The following RMND5B variants were observed in gnomAD, a reference collection of about 807,000 sequenced individuals.
RMND5B encodes required for meiotic nuclear division 5 homolog B, also known as E3 ubiquitin-protein transferase RMND5B.
RMND5B carries 42 observed loss-of-function variants against 50.4 expected under a neutral mutation model. The observed-to-expected ratio is 0.83, with a 90% confidence interval of 0.65 to 1.08. RMND5B has a LOEUF of 1.08. Ranked by LOEUF, RMND5B falls within the 50% of genes least tolerant of loss-of-function variation. The pLI, the probability that RMND5B is intolerant of heterozygous loss-of-function variation, is 0.00. For missense variants in RMND5B, 463 were observed against 508.5 expected, an observed-to-expected ratio of 0.91 and a Z score of 0.86; for synonymous variants, 220 against 210.0, an observed-to-expected ratio of 1.05 and a Z score of -0.41.
rs1215627679 is a variant in RMND5B at position 178,137,848 on chromosome 5, T to A, written c.-12-260T>A. Reference sequence around the variant, plus strand: ...GGCATGAAAAGAGTTGAAAATGGAATAATAATTTTCTCACCATGATTAAGA... The same window carrying A: ...GGCATGAAAAGAGTTGAAAATGGAAAAATAATTTTCTCACCATGATTAAGA... On this transcript the variant is annotated intron_variant, in intron 2 of 10. Transcript: ENST00000313386. This position sits in a 1 kb window ranked among gnomAD's most constrained non-coding sequence, Gnocchi z 4.4. 6.6e-6 allele frequency among the ~76,000 whole-genome samples: 1 copy of A among 151,976 alleles called. No homozygotes were observed. The highest frequency in any genetic ancestry group is 1.5e-5 in the Non-Finnish European group (1 of 67,998).
chr5:178,135,022 T>C (rs930046901), intron 2 of RMND5B, among the ~76,000 whole-genome samples: 8 of 152,092 alleles, frequency 5.3e-5, no homozygotes, highest in African/African-American at 1.9e-4. Flanking sequence ...CCTCAGTTCA[T>C]GATACATTTA....
intron 2 of RMND5B, among the ~76,000 whole-genome samples, chr5:178,134,859 C>A (rs10040895): frequency 0.74 from 110,421 of 150,046 alleles, 40,967 homozygotes; most frequent in Middle Eastern, 0.81. Context: ...CACCTGTAAT[C>A]CCAGCTACTT....
rs1758731926 is a variant in RMND5B at position 178,138,355 on chromosome 5, G to A, written c.139+97G>A. The A allele has an allele frequency of 4.0e-6, 6 of 1,492,202 alleles. No individual in the cohort carries two copies. In the South Asian group the frequency reaches 6.6e-5, roughly 16 times the overall value. The allele number at this position is 1,492,202 out of a possible 1,614,324, so 92.4% of individuals were successfully genotyped here. A position where few individuals can be genotyped will look rare whatever the true frequency, so the allele number is the denominator to read the frequency against. On this transcript the variant is annotated intron_variant, in intron 3 of 10. Coordinates refer to ENST00000313386, the MANE Select transcript of RMND5B (RefSeq NM_022762.5). This position sits in a 1 kb window ranked among gnomAD's most constrained non-coding sequence, Gnocchi z 5.1. ...GACAGGGTTCCGGAAGGACGATGAT[G>A]AGGATGTTGGTACCTGCATCTGTAG...
chr5:178,140,744 C>T (rs896108817), intron 3 of RMND5B, among the ~76,000 whole-genome samples: 2 of 151,606 alleles, frequency 1.3e-5, no homozygotes, highest in South Asian at 2.1e-4. Context: ...GCATGAGAAT[C>T]GCTTGAACCC....
At chr5:178,139,013 C>T (rs112889515) in intron 3 of RMND5B, among the ~76,000 whole-genome samples, 2,751 of 152,162 alleles carry the variant, frequency 0.018, 42 homozygotes, top group East Asian at 0.085. Flanking sequence ...CCAGCCTGGC[C>T]AACATGGCAA....
intron 2 of RMND5B, chr5:178,135,339 G>A (rs1758565887): frequency 1.1e-5 from 2 of 185,516 alleles, no homozygotes; most frequent in Admixed American, 6.1e-5. Flanking sequence ...GCCCAAGCTA[G>A]TCTCAAACTC....
chr5:178,149,349 CCT>C lies in RMND5B; in HGVS notation c.*1320_*1321del, dbSNP rs1756198978. The C allele has an allele frequency of 1.0e-5, 3 of 286,786 alleles. No homozygotes were observed. Among genetic ancestry groups the C allele is most frequent in the South Asian group, 9.5e-5 (3 of 31,540 alleles). The allele number at this position is 286,786 out of a possible 1,614,324, so 17.8% of individuals were successfully genotyped here. ...GGGCAGCTGAGCATCAGCACAGAAC[CCT>C]CTGAGTCCTTTGGGCTCTCTGCTGA... On this transcript the variant is annotated 3_prime_UTR_variant, in exon 11 of 11. Transcript: ENST00000313386.
In RMND5B at chr5:178,148,426, C is replaced by G. The variant is rs1440693200; in HGVS notation, c.*394C>G. On this transcript the variant is annotated 3_prime_UTR_variant, in exon 11 of 11. Transcript: ENST00000313386. ...CTATGTCCACCCTTGCCCCTCGGCC[C>G]AAGAGTGTCCAGCGGTGGCCCACCT... The G allele has an allele frequency of 1.6e-5, 5 of 305,034 alleles. No homozygotes were observed. Among genetic ancestry groups the G allele is most frequent in the Non-Finnish European group, 3.2e-5 (5 of 157,630 alleles). 18.9% of individuals were successfully genotyped at this position (305,034 alleles called of 1,614,324 possible). A position where few individuals can be genotyped will look rare whatever the true frequency, so the allele number is the denominator to read the frequency against.
At position 178,138,316 on chromosome 5, in the gene RMND5B, C is replaced by T. The variant is rs114579643; in HGVS notation, c.139+58C>T. On this transcript the variant is annotated intron_variant, in intron 3 of 10. Coordinates refer to ENST00000313386, the MANE Select transcript of RMND5B (RefSeq NM_022762.5). This position sits in a 1 kb window ranked among gnomAD's most constrained non-coding sequence, Gnocchi z 5.1. ...AGCCTCCCTGAGGACATGGGAGACC[C>T]GAAGCTACTGAGTGACAGGGTTCCG... 4.8e-4 allele frequency: 757 copies of T among 1,587,264 alleles called. 5 individuals carry two copies. In the African/African-American group the frequency reaches 8.7e-3, roughly 18 times the overall value.
Position 178,143,523 on chromosome 5 carries a change from C to A in RMND5B, c.427-104C>A, listed in dbSNP as rs1755801720. 5.6e-5 allele frequency: 50 copies of A among 897,190 alleles called. No individual in the cohort carries two copies. In the South Asian group the frequency reaches 7.0e-4, roughly 13 times the overall value. The allele number at this position is 897,190 out of a possible 1,614,324, so 55.6% of individuals were successfully genotyped here. ...ACCAAGCTCCTCAAGCAAAGCCCAGCTCTCTGGCCTGTCTTTGGCGGGTGA... is the reference window on the plus strand; with the variant it reads ...ACCAAGCTCCTCAAGCAAAGCCCAGATCTCTGGCCTGTCTTTGGCGGGTGA... On this transcript the variant is annotated intron_variant, in intron 5 of 10. Coordinates refer to ENST00000313386, the MANE Select transcript of RMND5B (RefSeq NM_022762.5).
At chr5:178,134,397 G>A (rs1026104084) in intron 2 of RMND5B, among the ~76,000 whole-genome samples, 1 of 152,218 alleles carries the variant, frequency 6.6e-6, no homozygotes, top group Non-Finnish European at 1.5e-5. Context: ...TTGGGCAAAA[G>A]GTAACAGGAT....
Position 178,138,040 on chromosome 5 carries a change from G to A in RMND5B, c.-12-68G>A. On this transcript the variant is annotated intron_variant, in intron 2 of 10. Coordinates refer to ENST00000313386, the MANE Select transcript of RMND5B (RefSeq NM_022762.5). The surrounding 1 kb of genome is among the most constrained non-coding windows in gnomAD (Gnocchi z 5.1). ...AATGGTGAGAGGGATCTGAAGAGGTGGTCTGGGCACCCTGCCTGCCATGCC... is the reference window on the plus strand; with the variant it reads ...AATGGTGAGAGGGATCTGAAGAGGTAGTCTGGGCACCCTGCCTGCCATGCC... 7.0e-7 allele frequency: 1 copy of A among 1,430,204 alleles called. No individual in the cohort carries two copies. The highest frequency in any genetic ancestry group is 9.5e-7 in the Non-Finnish European group (1 of 1,054,874). The allele number at this position is 1,430,204 out of a possible 1,614,324, so 88.6% of individuals were successfully genotyped here. A position where few individuals can be genotyped will look rare whatever the true frequency, so the allele number is the denominator to read the frequency against.
chr5:178,148,110 C>T lies in RMND5B; in HGVS notation c.*78C>T. On this transcript the variant is annotated 3_prime_UTR_variant, in exon 11 of 11. Coordinates refer to ENST00000313386, the MANE Select transcript of RMND5B (RefSeq NM_022762.5). Reference sequence around the variant, plus strand: ...TCTGTCTCGGTAGGGTGGTCAACTTCAGTGGACTGTGGTTGGTTTCAGAGC... The same window carrying T: ...TCTGTCTCGGTAGGGTGGTCAACTTTAGTGGACTGTGGTTGGTTTCAGAGC... The T allele has an allele frequency of 7.0e-7, 1 of 1,424,368 alleles. No homozygotes were observed. Among genetic ancestry groups the T allele is most frequent in the Non-Finnish European group, 9.9e-7 (1 of 1,008,522 alleles). 88.2% of individuals were successfully genotyped at this position (1,424,368 alleles called of 1,614,324 possible).
intron 8 of RMND5B, 112 bp from the exon 9 acceptor site, chr5:178,147,421 G>A: frequency 2.7e-6 from 2 of 743,402 alleles, no homozygotes; most frequent in South Asian, 1.8e-5. Context: ...CGATTTGACC[G>A]TGCACCATTT....
At chr5:178,143,596 G>C (rs77680156) in intron 5 of RMND5B, 31 bp from the exon 6 acceptor site, 862 of 1,505,202 alleles carry the variant, frequency 5.7e-4, no homozygotes, top group Admixed American at 9.9e-4. Context: ...CCATCTTCCA[G>C]TGGTGGGATC....
At chr5:178,132,481 G>A (rs893409450) in intron 2 of RMND5B, among the ~76,000 whole-genome samples, 3 of 151,914 alleles carry the variant, frequency 2.0e-5, no homozygotes, top group Non-Finnish European at 2.9e-5. Flanking sequence ...GTGGTGGGGA[G>A]AGAGGGGAAG....
At chr5:178,143,544 G>C in intron 5 of RMND5B, 83 bp from the exon 6 acceptor site, 1 of 1,091,194 alleles carries the variant, frequency 9.2e-7, no homozygotes, top group Non-Finnish European at 1.4e-6. Context: ...GTCTTTGGCG[G>C]GTGAGCTTTT....
At position 178,147,547 on chromosome 5, in the gene RMND5B, G is replaced by A; in HGVS notation, c.875G>A (p.Cys292Tyr). 6.2e-7 allele frequency: 1 copy of A among 1,614,032 alleles called. No individual in the cohort carries two copies. Among genetic ancestry groups the A allele is most frequent in the East Asian group, 2.2e-5 (1 of 44,882 alleles). The change falls in exon 9 of 11, where the codon TGT becomes TAT. Residue 292 changes from cysteine (C) to tyrosine (Y), a missense_variant. Coordinates refer to ENST00000313386, the MANE Select transcript of RMND5B (RefSeq NM_022762.5). ...SPLSVSFASG[C>Y]VALPVLMNIK... ...CTTGTCTGCAGCTTTGCCTCTGGCT[G>A]TGTGGCGCTGCCTGTGTTGATGAAC...
In RMND5B at chr5:178,147,520, TC is replaced by T. The variant is rs767893886; in HGVS notation, c.861-11del. The T allele has an allele frequency of 6.0e-5, 97 of 1,612,468 alleles. 1 individual carries two copies. Among genetic ancestry groups the T allele is most frequent in the Non-Finnish European group, 5.9e-6 (7 of 1,179,028 alleles). On this transcript the variant is annotated splice_polypyrimidine_tract_variant and intron_variant, in intron 8 of 10. Coordinates refer to ENST00000313386, the MANE Select transcript of RMND5B (RefSeq NM_022762.5). ...TGATCTGAGCCACTCTAGCCCCTGT[TC>T]CTTGTCTGCAGCTTTGCCTCTGGCT...
Sources: gnomAD v4.1 joint callset for allele counts (sites outside exome capture counted in the v4.1 genomes callset) on GRCh38, gnomAD v4.1.1 for gene constraint, Gnocchi (gnomAD v3.1) non-coding constraint, MANE v1.5 for transcripts, NCBI Gene and HGNC (gene_info 2026-07-23, HGNC 2026-07-21) for gene names.